Variants in TRAPPC9 observed in about 807,000 individuals in gnomAD.
TRAPPC9 encodes the protein IKK2 binding protein.
TRAPPC9 carries 83 observed loss-of-function variants against 124.0 expected under a neutral mutation model. The ratio of observed to expected loss-of-function variants is 0.67; its 90% CI spans 0.56 to 0.80. TRAPPC9 has a LOEUF of 0.80. TRAPPC9 is among the 30% of genes least tolerant of loss of function. TRAPPC9 has a pLI of 0.00. For missense variants in TRAPPC9, 1,302 were observed against 1,508.3 expected (o/e 0.86, Z 2.27); for synonymous variants, 638 against 617.5 (o/e 1.03, Z -0.49).
intron 17 of TRAPPC9, among the ~76,000 whole-genome samples, chr8:140,142,414 G>A (rs1473955518): frequency 2.0e-5 from 3 of 152,256 alleles, no homozygotes; most frequent in African/African-American, 7.2e-5. Flanking sequence ...ACAGTAGGCT[G>A]GTGTGGGCCG....
chr8:140,358,208 C>T (rs146816960), intron 9 of TRAPPC9, among the ~76,000 whole-genome samples: 2,971 of 152,232 alleles, frequency 0.02, 54 homozygotes, highest in South Asian at 0.038. Context: ...TACTAGGTTT[C>T]TTTCTTTCTT....
chr8:140,404,936 G>T (rs986191830), intron 6 of TRAPPC9, among the ~76,000 whole-genome samples: 1 of 152,044 alleles, frequency 6.6e-6, no homozygotes, highest in African/African-American at 2.4e-5. Flanking sequence ...GTGTGTGTGT[G>T]TGTGTGTGTG....
intron 21 of TRAPPC9, among the ~76,000 whole-genome samples, chr8:139,813,453 A>G (rs537359324): frequency 1.3e-5 from 2 of 152,338 alleles, no homozygotes; most frequent in South Asian, 4.1e-4. Context: ...ACCGTCCTCT[A>G]GAACGATGGC....
At chr8:139,881,994 C>T (rs73725303) in intron 21 of TRAPPC9, among the ~76,000 whole-genome samples, 2,942 of 152,276 alleles carry the variant, frequency 0.019, 71 homozygotes, top group African/African-American at 0.058. Flanking sequence ...ACTGCCCAGT[C>T]CCTGGGGTGG....
chr8:140,220,115 G>A (rs890163714), intron 17 of TRAPPC9, among the ~76,000 whole-genome samples: 2 of 152,202 alleles, frequency 1.3e-5, no homozygotes, highest in African/African-American at 4.8e-5. Flanking sequence ...CAGACTCCAC[G>A]AAGGTAAGTC....
In TRAPPC9 at chr8:139,825,581, A is replaced by C. The variant is rs900707918; in HGVS notation, c.3055+60298T>G. On this transcript the variant is annotated intron_variant, in intron 21 of 22. Transcript: ENST00000438773. The surrounding 1 kb of genome is among the most constrained non-coding windows in gnomAD (Gnocchi z 4.6). ...TTGGGATCAATTAATGTTCCCAAGA[A>C]AAATGGAAATTTAATTTCCATAGTA... Among the ~76,000 whole-genome samples, 3 of 152,246 alleles carry C rather than the reference A, an allele frequency of 2.0e-5. No individual in the cohort carries two copies. The highest frequency in any genetic ancestry group is 7.2e-5 in the African/African-American group (3 of 41,470).
chr8:140,163,467 A>C (rs1332608966), intron 17 of TRAPPC9, among the ~76,000 whole-genome samples: 2 of 152,234 alleles, frequency 1.3e-5, no homozygotes, highest in Non-Finnish European at 2.9e-5. Context: ...CACCAAAGCG[A>C]ATCAATTCCA....
intron 19 of TRAPPC9, among the ~76,000 whole-genome samples, chr8:139,980,384 A>T (rs1836809225): frequency 2.6e-5 from 4 of 152,104 alleles, no homozygotes; most frequent in Admixed American, 2.6e-4. Context: ...GGCCCCAAAT[A>T]ACAACCAACT....
intron 9 of TRAPPC9, among the ~76,000 whole-genome samples, chr8:140,329,317 G>T (rs959574296): frequency 1.3e-5 from 2 of 152,208 alleles, no homozygotes; most frequent in Non-Finnish European, 2.9e-5. Context: ...CACCATACGT[G>T]AGAGTTAAGT....
chr8:140,015,094 G>A (rs1839378193), intron 18 of TRAPPC9, among the ~76,000 whole-genome samples: 1 of 152,220 alleles, frequency 6.6e-6, no homozygotes, highest in Non-Finnish European at 1.5e-5. Flanking sequence ...TGTTATGCCA[G>A]CAGTAAAGTA....
chr8:140,014,051 C>T (rs191763797), intron 18 of TRAPPC9, among the ~76,000 whole-genome samples: 19 of 152,262 alleles, frequency 1.2e-4, no homozygotes, highest in Non-Finnish European at 1.3e-4. Flanking sequence ...AGATCTACCA[C>T]GATAAAACTC....
chr8:139,884,171 C>T (rs920610050), intron 21 of TRAPPC9, among the ~76,000 whole-genome samples: 13 of 152,130 alleles, frequency 8.5e-5, no homozygotes, highest in African/African-American at 2.7e-4. Flanking sequence ...CAGAACCCTC[C>T]CTACCCTTAG....
At chr8:140,064,754 T>C (rs1466279739) in intron 17 of TRAPPC9, among the ~76,000 whole-genome samples, 4 of 152,146 alleles carry the variant, frequency 2.6e-5, no homozygotes, top group Admixed American at 2.0e-4. Flanking sequence ...CAATAGGATC[T>C]CTAGGAGGTA....
intron 18 of TRAPPC9, among the ~76,000 whole-genome samples, chr8:140,010,263 G>T (rs1489644676): frequency 6.6e-6 from 1 of 152,140 alleles, no homozygotes; most frequent in Non-Finnish European, 1.5e-5. Flanking sequence ...ATGAAAGATG[G>T]ATGAATAATC....
chr8:139,860,422 T>C (rs370234406), intron 21 of TRAPPC9, among the ~76,000 whole-genome samples: 2 of 152,306 alleles, frequency 1.3e-5, no homozygotes, highest in East Asian at 3.9e-4. Context: ...CTGTGCTACA[T>C]GCATGATCAT....
intron 7 of TRAPPC9, among the ~76,000 whole-genome samples, chr8:140,385,663 A>C (rs1276891475): frequency 1.3e-5 from 2 of 152,214 alleles, no homozygotes. Flanking sequence ...GCTGAAATTG[A>C]AGCAATAATT....
intron 21 of TRAPPC9, among the ~76,000 whole-genome samples, chr8:139,862,625 T>A (rs1158209259): frequency 6.6e-6 from 1 of 152,244 alleles, no homozygotes; most frequent in African/African-American, 2.4e-5. Context: ...AGGCCTAAAC[T>A]GACCTACGTG....
At chr8:140,083,953 C>T (rs867881001) in intron 17 of TRAPPC9, among the ~76,000 whole-genome samples, 3 of 152,108 alleles carry the variant, frequency 2.0e-5, no homozygotes, top group African/African-American at 7.2e-5. Context: ...GCATGAGCGC[C>T]GCACCTGGCC....
At position 140,451,316 on chromosome 8, in the gene TRAPPC9, C is replaced by T; in HGVS notation, c.58G>A (p.Val20Ile). 6.2e-7 allele frequency: 1 copy of T among 1,607,798 alleles called. No individual in the cohort carries two copies. Among genetic ancestry groups the T allele is most frequent in the Non-Finnish European group, 8.5e-7 (1 of 1,180,000 alleles). The change falls in exon 2 of 23, where the codon GTC becomes ATC. Residue 20 changes from valine (V) to isoleucine (I), a missense_variant. Val to Ile is a conservative substitution (Grantham distance 29). Transcript: ENST00000438773. Reference protein sequence around the residue: ...AEDHQTLLVVVQPVGIVSEEN... With the variant: ...AEDHQTLLVVIQPVGIVSEEN... ...TCGGAGACGATGCCCACAGGCTGGA[C>T]CACCACGAGCAGCGTCTGGTGGTCC...
Sources: allele counts gnomAD v4.1 joint callset (sites outside exome capture counted in the v4.1 genomes callset), GRCh38; gene constraint gnomAD v4.1.1; non-coding constraint Gnocchi (gnomAD v3.1); transcripts MANE v1.5; gene names NCBI Gene and HGNC (gene_info 2026-07-23, HGNC 2026-07-21).